The following GRIN2B variants were observed in gnomAD, a reference collection of about 807,000 sequenced individuals.
GRIN2B encodes glutamate ionotropic receptor NMDA type subunit 2B.
In GRIN2B, 5 loss-of-function variants were observed where a neutral mutation model predicts 114.5. The observed-to-expected ratio is 0.04, with a 90% CI of 0.02 to 0.09. GRIN2B has a LOEUF of 0.09. Ranked by LOEUF, GRIN2B falls within the 10% of genes least tolerant of loss-of-function variation. GRIN2B has a pLI of 1.00. For missense variants in GRIN2B, 1,108 were observed against 1,943.5 expected (o/e 0.57, Z 8.08); for synonymous variants, 787 against 745.1 (o/e 1.06, Z -0.92).
chr12:13,943,130 T>C (rs1394160491), intron 2 of GRIN2B, among the ~76,000 whole-genome samples: 8 of 152,114 alleles, frequency 5.3e-5, no homozygotes, highest in Non-Finnish European at 8.8e-5. Context: ...CCCCAGGCAC[T>C]TCTCAGTAGA....
chr12:13,893,902 G>A (rs76909437), intron 2 of GRIN2B, among the ~76,000 whole-genome samples: 182 of 151,998 alleles, frequency 1.2e-3, no homozygotes, highest in Non-Finnish European at 1.9e-3. Context: ...CTATAATAAA[G>A]AATTTAAAAT....
intron 4 of GRIN2B, among the ~76,000 whole-genome samples, chr12:13,743,434 T>A (rs1325503748): frequency 1.3e-5 from 2 of 152,138 alleles, no homozygotes; most frequent in African/African-American, 4.8e-5. Context: ...TTTTGAGTCA[T>A]AGTCTCTAAT....
Position 13,782,282 on chromosome 12 carries a change from T to TAC in GRIN2B, c.412-28369_412-28368dup, listed in dbSNP as rs112744505. Among the ~76,000 whole-genome samples the TAC allele has an allele frequency of 5.5e-3, 839 of 151,430 alleles. 9 individuals carry two copies. The highest frequency in any genetic ancestry group is 0.017 in the African/African-American group (709 of 41,304). On this transcript the variant is annotated intron_variant, in intron 3 of 13. Transcript: ENST00000609686. Reference sequence around the variant, plus strand: ...AAGGAAAAAAGGTGGCCACTCAGAATACACACACACACACACTCTCTCTCT... The same window carrying TAC: ...AAGGAAAAAAGGTGGCCACTCAGAATACACACACACACACACACTCTCTCTCT...
chr12:13,939,954 C>CCT (rs1867209201), intron 2 of GRIN2B, among the ~76,000 whole-genome samples: 1 of 151,870 alleles, frequency 6.6e-6, no homozygotes, highest in Non-Finnish European at 1.5e-5. Flanking sequence ...GCATTAGGTA[C>CCT]GGCATCAAGG....
rs1445179575 is a variant in GRIN2B, at chr12:13,540,326, T to C, written c.*22457A>G. The C allele has an allele frequency of 6.6e-6, 1 of 152,180 alleles. No individual in the cohort carries two copies. Among genetic ancestry groups the C allele is most frequent in the Non-Finnish European group, 1.5e-5 (1 of 68,030 alleles). 9.4% of individuals were successfully genotyped at this position (152,180 alleles called of 1,614,324 possible). On this transcript the variant is annotated 3_prime_UTR_variant, in exon 14 of 14. Transcript: ENST00000609686. ...TTGCCATTAGAAAAGAGAAAGAATC[T>C]TTGACTATTTACAGCTTTTATACAT... is the stretch of plus-strand genomic sequence containing the variant.
intron 10 of GRIN2B, among the ~76,000 whole-genome samples, chr12:13,594,864 A>C (rs1949053510): frequency 1.3e-5 from 2 of 152,150 alleles, no homozygotes; most frequent in African/African-American, 2.4e-5. Flanking sequence ...TTTCTTCAAA[A>C]GGAGCTGGAG....
intron 3 of GRIN2B, among the ~76,000 whole-genome samples, chr12:13,759,597 G>T (rs1403786503): frequency 6.6e-6 from 1 of 152,076 alleles, no homozygotes; most frequent in Non-Finnish European, 1.5e-5. Context: ...TAAAAGGCAG[G>T]TGACTTTGAT....
At chr12:13,741,930 G>A (rs777273334) in intron 4 of GRIN2B, among the ~76,000 whole-genome samples, 4 of 152,058 alleles carry the variant, frequency 2.6e-5, no homozygotes, top group Non-Finnish European at 4.4e-5. Context: ...AAAGCCCTTG[G>A]CACATAGTAT....
intron 4 of GRIN2B, among the ~76,000 whole-genome samples, chr12:13,736,521 C>T (rs1437571039): frequency 6.6e-6 from 1 of 152,114 alleles, no homozygotes; most frequent in Non-Finnish European, 1.5e-5. Flanking sequence ...TTCACCCATC[C>T]TTAACCTCAA....
chr12:13,914,395 G>T (rs1306794969), intron 2 of GRIN2B, among the ~76,000 whole-genome samples: 1 of 152,116 alleles, frequency 6.6e-6, no homozygotes, highest in Admixed American at 6.6e-5. Flanking sequence ...AGTTAAAATG[G>T]CTTTTATCAA....
rs1347682295 is a variant in GRIN2B at position 13,811,439 on chromosome 12, G to GC, written c.411+54358_411+54359insG. ...ACTCTACAAAAGAAAAAATTAGCTG[G>GC]GCACAGTGGCATGTGCCTGCATTTT... is the stretch of plus-strand genomic sequence containing the variant. On this transcript the variant is annotated intron_variant, in intron 3 of 13. Transcript: ENST00000609686. 2.6e-5 allele frequency among the ~76,000 whole-genome samples: 4 copies of GC among 152,144 alleles called. No homozygotes were observed. In the East Asian group the frequency reaches 7.7e-4, roughly 29 times the overall value.
intron 4 of GRIN2B, among the ~76,000 whole-genome samples, chr12:13,686,837 C>T (rs1210274266): frequency 6.6e-6 from 1 of 152,130 alleles, no homozygotes; most frequent in Non-Finnish European, 1.5e-5. Flanking sequence ...CCCTCCAAAC[C>T]TCATGTTGAA....
intron 4 of GRIN2B, among the ~76,000 whole-genome samples, chr12:13,739,878 CG>C (rs1301378530): frequency 1.3e-5 from 2 of 152,124 alleles, no homozygotes; most frequent in Admixed American, 1.3e-4. Flanking sequence ...TGAGTAGCAC[CG>C]GGCGTCATGG....
chr12:13,564,502 A>G lies in GRIN2B; in HGVS notation c.2736T>C (p.Ser912=), dbSNP rs749800143. ...LRTAKNMANL[S]GVNGSPQSAL... ...CGCTCTGCGGTGAGCCATTCACACC[A>G]GACAGGTTAGCCATGTTCTTGGCCG... Residue 912 remains serine, a synonymous_variant, in exon 14 of 14, where the codon TCT becomes TCC. Transcript: ENST00000609686. The surrounding 1 kb of genome is among the most constrained non-coding windows in gnomAD (Gnocchi z 4.8). 3 of 1,614,214 alleles carry G rather than the reference A, an allele frequency of 1.9e-6. No individual in the cohort carries two copies. The highest frequency in any genetic ancestry group is 2.5e-6 in the Non-Finnish European group (3 of 1,180,032).
intron 4 of GRIN2B, among the ~76,000 whole-genome samples, chr12:13,717,257 C>A (rs984629677): frequency 6.0e-5 from 9 of 151,258 alleles, no homozygotes; most frequent in African/African-American, 2.2e-4. Flanking sequence ...TAGGTCTGGC[C>A]GACTCTAAAA....
At chr12:13,911,698 T>C (rs1187106159) in intron 2 of GRIN2B, among the ~76,000 whole-genome samples, 1 of 152,056 alleles carries the variant, frequency 6.6e-6, no homozygotes, top group Admixed American at 6.5e-5. Flanking sequence ...ACCCTCAAAA[T>C]GACCAGGCGG....
intron 2 of GRIN2B, among the ~76,000 whole-genome samples, chr12:13,979,664 C>G (rs1724421253): frequency 6.6e-6 from 1 of 152,100 alleles, no homozygotes; most frequent in African/African-American, 2.4e-5. Context: ...ATACATTCCC[C>G]TGATGCCATC....
At chr12:13,801,466 C>A (rs1179392039) in intron 3 of GRIN2B, among the ~76,000 whole-genome samples, 2 of 152,106 alleles carry the variant, frequency 1.3e-5, no homozygotes, top group Non-Finnish European at 2.9e-5. Flanking sequence ...AGGTACAACA[C>A]CACAGGCCCA....
chr12:13,604,447 C>A (rs1373743028), intron 10 of GRIN2B, among the ~76,000 whole-genome samples: 2 of 152,160 alleles, frequency 1.3e-5, no homozygotes, highest in Admixed American at 1.3e-4. Context: ...AAATATCTTT[C>A]CATCATCGCT....
Sources: allele counts gnomAD v4.1 joint callset (sites outside exome capture counted in the v4.1 genomes callset), GRCh38; gene constraint gnomAD v4.1.1; non-coding constraint Gnocchi (gnomAD v3.1); transcripts MANE v1.5; gene names NCBI Gene and HGNC (gene_info 2026-07-23, HGNC 2026-07-21).